The following TNF variants were observed in gnomAD, a reference collection of about 807,000 sequenced individuals.
TNF encodes APC1 protein.
Under a neutral mutation model 21.8 loss-of-function variants are expected in TNF, and 7 were observed. The observed-to-expected ratio is 0.32, with a 90% CI of 0.18 to 0.60. TNF has a LOEUF of 0.60. Among genes scored for constraint, TNF ranks in the 20% least tolerant of loss-of-function variants. The probability of loss-of-function intolerance (pLI) is 0.84; values close to 1 mark genes in which losing one functional copy is unlikely to be tolerated. For missense variants in TNF, 216 were observed against 296.6 expected, an observed-to-expected ratio of 0.73 and a Z score of 2.00; for synonymous variants, 123 against 130.2, an observed-to-expected ratio of 0.94 and a Z score of 0.38.
In TNF at chr6:31,578,111, T is replaced by G. The variant is rs1771276668; in HGVS notation, c.*574T>G. 6.6e-6 allele frequency: 1 copy of G among 152,336 alleles called. No individual in the cohort carries two copies. The allele number at this position is 152,336 out of a possible 1,614,324, so 9.4% of individuals were successfully genotyped here. A position where few individuals can be genotyped will look rare whatever the true frequency, so the allele number is the denominator to read the frequency against. ...GAGCTGCCTTGGCTCAGACATGTTT[T>G]CCGTGAAAACGGAGCTGAACAATAG... On this transcript the variant is annotated 3_prime_UTR_variant, in exon 4 of 4. Coordinates refer to ENST00000449264, the MANE Select transcript of TNF (RefSeq NM_000594.4). This position sits in a 1 kb window ranked among gnomAD's most constrained non-coding sequence, Gnocchi z 6.0.
At position 31,575,878 on chromosome 6, in the gene TNF, C is replaced by A; in HGVS notation, c.137C>A (p.Thr46Lys). ...TTCCTGATCGTGGCAGGCGCCACCA[C>A]GCTCTTCTGCCTGCTGCACTTTGGA... ...FSFLIVAGAT[T>K]LFCLLHFGVI... Residue 46 changes from threonine to lysine, a missense_variant, in exon 1 of 4, where the codon ACG becomes AAG. By Grantham distance (78) the Thr-to-Lys change is moderately conservative (BLOSUM62 -1). Around this residue, in one of 2 missense-constraint regions of TNF, gnomAD observed 118 missense variants for 127.1 expected, o/e 0.93. Coordinates refer to ENST00000449264, the MANE Select transcript of TNF (RefSeq NM_000594.4). This position sits in a 1 kb window ranked among gnomAD's most constrained non-coding sequence, Gnocchi z 6.2. 1 of 1,609,526 alleles carries A rather than the reference C, an allele frequency of 6.2e-7. No homozygotes were observed. The highest frequency in any genetic ancestry group is 8.5e-7 in the Non-Finnish European group (1 of 1,177,768).
chr6:31,575,910 G>A lies in TNF; in HGVS notation c.169G>A (p.Gly57Ser), dbSNP rs777874746. The A allele has an allele frequency of 3.2e-6, 5 of 1,562,908 alleles. No individual in the cohort carries two copies. The highest frequency in any genetic ancestry group is 1.9e-5 in the Admixed American group (1 of 52,858). The change falls in exon 1 of 4, where the codon GGC (glycine) becomes AGC (serine). Residue 57 changes from glycine (G) to serine (S), a missense_variant. Coordinates refer to ENST00000449264, the MANE Select transcript of TNF (RefSeq NM_000594.4). The surrounding 1 kb of genome is among the most constrained non-coding windows in gnomAD (Gnocchi z 6.2). ...CTGCCTGCTGCACTTTGGAGTGATC[G>A]GCCCCCAGAGGGAAGAGGTGAGTGC... The part of the protein sequence containing the change: ...LFCLLHFGVI[G>S]PQREEFPRDL...
chr6:31,576,648 A>G, intron 2 of TNF, 69 bp downstream of exon 2: 1 of 1,576,286 alleles, frequency 6.3e-7, no homozygotes, highest in Non-Finnish European at 8.7e-7. Context: ...ACCGGTATGG[A>G]AGCAGTGGGG....
chr6:31,576,781 A>T lies in TNF; in HGVS notation c.247A>T (p.Thr83Ser). ...CTCCTCTTCAGGATCATCTTCTCGA[A>T]CCCCGAGTGACAAGCCTGTAGCCCA... is the stretch of plus-strand genomic sequence containing the variant. ...LAQAVRSSSR[T>S]PSDKPVAHVV... Residue 83 changes from threonine to serine, a missense_variant, in exon 3 of 4, where the codon ACC (threonine) becomes TCC (serine). Coordinates refer to ENST00000449264, the MANE Select transcript of TNF (RefSeq NM_000594.4). The T allele has an allele frequency of 1.9e-6, 3 of 1,612,814 alleles. No homozygotes were observed. The highest frequency in any genetic ancestry group is 1.7e-6 in the Non-Finnish European group (2 of 1,179,982).
chr6:31,577,087 C>G lies in TNF; in HGVS notation c.281-29C>G. On this transcript the variant is annotated intron_variant, in intron 3 of 3. Coordinates refer to ENST00000449264, the MANE Select transcript of TNF (RefSeq NM_000594.4). This position sits in a 1 kb window ranked among gnomAD's most constrained non-coding sequence, Gnocchi z 7.7. ...GAGTGAACCGACATGGCCACACTGA[C>G]TCTCCTCTCCCTCTCTCCCTCCCTC... is the stretch of plus-strand genomic sequence containing the variant. 1.3e-6 allele frequency: 2 copies of G among 1,572,742 alleles called. No homozygotes were observed. Among genetic ancestry groups the G allele is most frequent in the Non-Finnish European group, 1.7e-6 (2 of 1,160,544 alleles).
chr6:31,577,763 T>C lies in TNF; in HGVS notation c.*226T>C, dbSNP rs918104667. The C allele has an allele frequency of 1.3e-5, 8 of 628,658 alleles. No homozygotes were observed. The highest frequency in any genetic ancestry group is 2.3e-5 in the Non-Finnish European group (8 of 353,488). The allele number at this position is 628,658 out of a possible 1,614,324, so 38.9% of individuals were successfully genotyped here. On this transcript the variant is annotated 3_prime_UTR_variant, in exon 4 of 4. Transcript: ENST00000449264. The surrounding 1 kb of genome is among the most constrained non-coding windows in gnomAD (Gnocchi z 7.7). ...GCTGGCAACCACTAAGAATTCAAAC[T>C]GGGGCCTCCAGAACTCACTGGGGCC...
intron 1 of TNF, 112 bp downstream of exon 1, chr6:31,576,039 G>T: frequency 1.7e-6 from 2 of 1,178,680 alleles, no homozygotes; most frequent in South Asian, 4.2e-5. Context: ...GAGGGATGGA[G>T]AGAAAAAAAC....
In TNF at chr6:31,577,658, A is replaced by G; in HGVS notation, c.*121A>G. 2.3e-6 allele frequency: 3 copies of G among 1,279,022 alleles called. No individual in the cohort carries two copies. The highest frequency in any genetic ancestry group is 3.3e-6 in the Non-Finnish European group (3 of 905,622). 79.2% of individuals were successfully genotyped at this position (1,279,022 alleles called of 1,614,324 possible). A position where few individuals can be genotyped will look rare whatever the true frequency, so the allele number is the denominator to read the frequency against. On this transcript the variant is annotated 3_prime_UTR_variant, in exon 4 of 4. Transcript: ENST00000449264. The surrounding 1 kb of genome is among the most constrained non-coding windows in gnomAD (Gnocchi z 7.7). ...AGAGAATTGGGGGCTTAGGGTCGGA[A>G]CCCAAGCTTAGAACTTTAAGCAACA...
At position 31,577,002 on chromosome 6, in the gene TNF, C is replaced by T; in HGVS notation, c.281-114C>T. ...CATGGCCAGGTGGGATGTGGGATGA[C>T]AGACAGAGAGGACAGGAACCGGATG... On this transcript the variant is annotated intron_variant, in intron 3 of 3. Transcript: ENST00000449264. The surrounding 1 kb of genome is among the most constrained non-coding windows in gnomAD (Gnocchi z 7.7). 1 of 1,430,784 alleles carries T rather than the reference C, an allele frequency of 7.0e-7. No homozygotes were observed. The highest frequency in any genetic ancestry group is 9.6e-7 in the Non-Finnish European group (1 of 1,043,958). The allele number at this position is 1,430,784 out of a possible 1,614,324, so 88.6% of individuals were successfully genotyped here. A position where few individuals can be genotyped will look rare whatever the true frequency, so the allele number is the denominator to read the frequency against.
In TNF at chr6:31,577,721, G is replaced by A; in HGVS notation, c.*184G>A. On this transcript the variant is annotated 3_prime_UTR_variant, in exon 4 of 4. Transcript: ENST00000449264. The surrounding 1 kb of genome is among the most constrained non-coding windows in gnomAD (Gnocchi z 7.7). ...CGAAACCTGGGATTCAGGAATGTGT[G>A]GCCTGCACAGTGAAGTGCTGGCAAC... is the stretch of plus-strand genomic sequence containing the variant. The A allele has an allele frequency of 1.3e-6, 1 of 764,510 alleles. No homozygotes were observed. The highest frequency in any genetic ancestry group is 2.2e-6 in the Non-Finnish European group (1 of 450,960). 47.4% of individuals were successfully genotyped at this position (764,510 alleles called of 1,614,324 possible).
In TNF at chr6:31,577,477, G is replaced by A. The variant is rs1771242055; in HGVS notation, c.642G>A (p.Arg214=). Residue 214 remains arginine, a synonymous_variant, in exon 4 of 4, where the codon CGG becomes CGA. Coordinates refer to ENST00000449264, the MANE Select transcript of TNF (RefSeq NM_000594.4). The surrounding 1 kb of genome is among the most constrained non-coding windows in gnomAD (Gnocchi z 7.7). ...KGDRLSAEIN[R]PDYLDFAESG... is the part of the protein sequence containing the mutation. ...ACCGACTCAGCGCTGAGATCAATCGGCCCGACTATCTCGACTTTGCCGAGT... is the reference window on the plus strand; with the variant it reads ...ACCGACTCAGCGCTGAGATCAATCGACCCGACTATCTCGACTTTGCCGAGT... 1 of 1,613,112 alleles carries A rather than the reference G, an allele frequency of 6.2e-7. No individual in the cohort carries two copies. The highest frequency in any genetic ancestry group is 8.5e-7 in the Non-Finnish European group (1 of 1,180,038).
rs1346802644 is a variant in TNF at position 31,577,201 on chromosome 6, C to T, written c.366C>T (p.Asn122=). The T allele has an allele frequency of 3.1e-6, 5 of 1,613,092 alleles. No homozygotes were observed. The East Asian group carries it at 8.9e-5, about 29-fold the overall frequency. The change falls in exon 4 of 4, where the codon AAC becomes AAT. Residue 122 remains asparagine, a synonymous_variant. Coordinates refer to ENST00000449264, the MANE Select transcript of TNF (RefSeq NM_000594.4). This position sits in a 1 kb window ranked among gnomAD's most constrained non-coding sequence, Gnocchi z 7.7. ...LLANGVELRD[N]QLVVPSEGLY... Reference sequence around the variant, plus strand: ...CCAATGGCGTGGAGCTGAGAGATAACCAGCTGGTGGTGCCATCAGAGGGCC... The same window carrying T: ...CCAATGGCGTGGAGCTGAGAGATAATCAGCTGGTGGTGCCATCAGAGGGCC...
chr6:31,575,793 C>T lies in TNF; in HGVS notation c.52C>T (p.Pro18Ser), dbSNP rs1375111873. Reference sequence around the variant, plus strand: ...CGTGGAGCTGGCCGAGGAGGCGCTCCCCAAGAAGACAGGGGGGCCCCAGGG... The same window carrying T: ...CGTGGAGCTGGCCGAGGAGGCGCTCTCCAAGAAGACAGGGGGGCCCCAGGG... Reference protein sequence around the residue: ...RDVELAEEALPKKTGGPQGSR... With the variant: ...RDVELAEEALSKKTGGPQGSR... Residue 18 changes from proline (P) to serine (S), a missense_variant, in exon 1 of 4, where the codon CCC becomes TCC. Physicochemically the swap from Pro to Ser is moderately conservative, Grantham distance 74 (BLOSUM62 -1). Transcript: ENST00000449264. The surrounding 1 kb of genome is among the most constrained non-coding windows in gnomAD (Gnocchi z 6.2). The T allele has an allele frequency of 1.9e-6, 3 of 1,609,810 alleles. No individual in the cohort carries two copies. The highest frequency in any genetic ancestry group is 2.2e-5 in the East Asian group (1 of 44,554).
chr6:31,576,847 G>A, intron 3 of TNF, 33 bp downstream of exon 3: 1 of 1,612,326 alleles, frequency 6.2e-7, no homozygotes, highest in Non-Finnish European at 8.5e-7. Context: ...TTGGAACTTG[G>A]AGGGCTAGGA....
chr6:31,577,528 T>C lies in TNF; in HGVS notation c.693T>C (p.Ile231=). Residue 231 remains isoleucine (I), a synonymous_variant, in exon 4 of 4, where the codon ATT becomes ATC. Coordinates refer to ENST00000449264, the MANE Select transcript of TNF (RefSeq NM_000594.4). The surrounding 1 kb of genome is among the most constrained non-coding windows in gnomAD (Gnocchi z 7.7). ...AESGQVYFGI[I]AL is the part of the protein sequence containing the mutation. ...CTGGGCAGGTCTACTTTGGGATCAT[T>C]GCCCTGTGAGGAGGACGAACATCCA... 1 of 1,613,088 alleles carries C rather than the reference T, an allele frequency of 6.2e-7. No individual in the cohort carries two copies. The highest frequency in any genetic ancestry group is 8.5e-7 in the Non-Finnish European group (1 of 1,180,040).
At position 31,577,383 on chromosome 6, in the gene TNF, A is replaced by G; in HGVS notation, c.548A>G (p.Glu183Gly). ...IKSPCQRETP[E>G]GAEAKPWYEP... Reference sequence around the variant, plus strand: ...AGCCCCTGCCAGAGGGAGACCCCAGAGGGGGCTGAGGCCAAGCCCTGGTAT... The same window carrying G: ...AGCCCCTGCCAGAGGGAGACCCCAGGGGGGGCTGAGGCCAAGCCCTGGTAT... Residue 183 changes from glutamate to glycine, a missense_variant, in exon 4 of 4, where the codon GAG becomes GGG. Glu to Gly is a moderately conservative substitution (Grantham distance 98). Transcript: ENST00000449264. This position sits in a 1 kb window ranked among gnomAD's most constrained non-coding sequence, Gnocchi z 7.7. 1 of 1,613,006 alleles carries G rather than the reference A, an allele frequency of 6.2e-7. No individual in the cohort carries two copies. The highest frequency in any genetic ancestry group is 8.5e-7 in the Non-Finnish European group (1 of 1,179,938).
Position 31,577,903 on chromosome 6 carries a change from G to A in TNF, c.*366G>A. 1 of 344,514 alleles carries A rather than the reference G, an allele frequency of 2.9e-6. No individual in the cohort carries two copies. The highest frequency in any genetic ancestry group is 5.8e-5 in the East Asian group (1 of 17,216). The allele number at this position is 344,514 out of a possible 1,614,324, so 21.3% of individuals were successfully genotyped here. A position where few individuals can be genotyped will look rare whatever the true frequency, so the allele number is the denominator to read the frequency against. On this transcript the variant is annotated 3_prime_UTR_variant, in exon 4 of 4. Transcript: ENST00000449264. This position sits in a 1 kb window ranked among gnomAD's most constrained non-coding sequence, Gnocchi z 7.7. The stretch of plus-strand genomic sequence containing the variant: ...TAGAAATTGACACAAGTGGACCTTA[G>A]GCCTTCCTCTCTCCAGATGTTTCCA...
intron 2 of TNF, 32 bp from the exon 3 acceptor site, chr6:31,576,735 T>C (rs1396277455): frequency 6.2e-7 from 1 of 1,612,816 alleles, no homozygotes. Flanking sequence ...AGTTTAAGGG[T>C]CTCAGCTTTT....
At position 31,577,670 on chromosome 6, in the gene TNF, A is replaced by G; in HGVS notation, c.*133A>G. ...GCTTAGGGTCGGAACCCAAGCTTAGAACTTTAAGCAACAAGACCACCACTT... is the reference window on the plus strand; with the variant it reads ...GCTTAGGGTCGGAACCCAAGCTTAGGACTTTAAGCAACAAGACCACCACTT... On this transcript the variant is annotated 3_prime_UTR_variant, in exon 4 of 4. Transcript: ENST00000449264. This position sits in a 1 kb window ranked among gnomAD's most constrained non-coding sequence, Gnocchi z 7.7. 8.9e-7 allele frequency: 1 copy of G among 1,118,426 alleles called. No individual in the cohort carries two copies. Among genetic ancestry groups the G allele is most frequent in the South Asian group, 1.3e-5 (1 of 75,840 alleles). 69.3% of individuals were successfully genotyped at this position (1,118,426 alleles called of 1,614,324 possible).
Sources: allele counts gnomAD v4.1 joint callset, GRCh38; gene constraint gnomAD v4.1.1; regional missense constraint gnomAD v4.1.1; non-coding constraint Gnocchi (gnomAD v3.1); transcripts MANE v1.5; gene names NCBI Gene and HGNC (gene_info 2026-07-23, HGNC 2026-07-21).